KIDINS220: variants seen among roughly 807,000 people sequenced by gnomAD.
KIDINS220 encodes the protein kinase D-interacting substrate of 220 kDa.
In KIDINS220, 63 loss-of-function variants were observed where a neutral mutation model predicts 157.6. The observed-to-expected ratio is 0.40, with a 90% CI of 0.33 to 0.49. The LOEUF is 0.49. Ranked by LOEUF, KIDINS220 falls within the 20% of genes least tolerant of loss-of-function variation. The pLI, the probability that KIDINS220 is intolerant of heterozygous loss-of-function variation, is 0.66. For synonymous variants in KIDINS220, 732 were observed against 783.6 expected, an observed-to-expected ratio of 0.93 and a Z score of 1.10; for missense variants, 1,772 against 2,171.2, an observed-to-expected ratio of 0.82 and a Z score of 3.65.
Position 8,785,601 on chromosome 2 carries a change from G to A in KIDINS220, c.2229+140C>T, listed in dbSNP as rs535850016. 69 of 772,312 alleles carry A rather than the reference G, an allele frequency of 8.9e-5. No homozygotes were observed. The East Asian group carries it at 1.4e-3, about 15-fold the overall frequency. 47.8% of individuals were successfully genotyped at this position (772,312 alleles called of 1,614,324 possible). A position where few individuals can be genotyped will look rare whatever the true frequency, so the allele number is the denominator to read the frequency against. ...CCTTAAATTATAGTCTTGAATGAAC[G>A]AATGAATGAATGAACAAATTAAACT... On this transcript the variant is annotated intron_variant, in intron 17 of 29. Coordinates refer to ENST00000256707, the MANE Select transcript of KIDINS220 (RefSeq NM_020738.4).
At chr2:8,808,998 A>G (rs1258678568) in intron 6 of KIDINS220, among the ~76,000 whole-genome samples, 1 of 137,778 alleles carries the variant, frequency 7.3e-6, no homozygotes, top group African/African-American at 2.7e-5. Context: ...AGATCTATGT[A>G]TCTTTTTTTG....
chr2:8,743,367 G>A (rs753089906), intron 26 of KIDINS220, among the ~76,000 whole-genome samples: 3 of 152,146 alleles, frequency 2.0e-5, no homozygotes, highest in Non-Finnish European at 4.4e-5. Flanking sequence ...TGAGTTCTGC[G>A]TCTTTAAGGC....
chr2:8,819,988 T>A (rs151113534), intron 2 of KIDINS220, among the ~76,000 whole-genome samples: 1 of 152,288 alleles, frequency 6.6e-6, no homozygotes, highest in Non-Finnish European at 1.5e-5. Flanking sequence ...TGTATATTAG[T>A]ATGGAGGGAA....
intron 6 of KIDINS220, among the ~76,000 whole-genome samples, chr2:8,809,938 A>T (rs1676045258): frequency 6.6e-6 from 1 of 152,106 alleles, no homozygotes; most frequent in South Asian, 2.1e-4. Flanking sequence ...CCAAGTATCC[A>T]AGACTCACCC....
At chr2:8,732,133 A>G (rs1053619634) in intron 29 of KIDINS220, 151 bp from the exon 30 acceptor site, 3 of 619,588 alleles carry the variant, frequency 4.8e-6, no homozygotes, top group Non-Finnish European at 7.4e-6. Context: ...ACACAGATTA[A>G]CAAAAGCTGT....
chr2:8,760,578 A>G (rs1300481420), intron 22 of KIDINS220, among the ~76,000 whole-genome samples: 1 of 152,228 alleles, frequency 6.6e-6, no homozygotes, highest in Non-Finnish European at 1.5e-5. Context: ...AAACACCGGT[A>G]ACATTTCTGT....
At chr2:8,834,817 A>ATATG (rs1169741360) in intron 1 of KIDINS220, among the ~76,000 whole-genome samples, 126 of 152,148 alleles carry the variant, frequency 8.3e-4, no homozygotes, top group Non-Finnish European at 8.2e-4. Flanking sequence ...TTATGTATGT[A>ATATG]TATGTATGTA....
rs137979455 is a variant in KIDINS220, at chr2:8,753,288, C to G, written c.3012-1644G>C. On this transcript the variant is annotated intron_variant, in intron 22 of 29. Transcript: ENST00000256707. ...GAATCTCTCAATAAATTAATCCAAC[C>G]AATAAAGAGTGTATAGCAATATGTT... Among the ~76,000 whole-genome samples the G allele has an allele frequency of 1.7e-4, 26 of 152,150 alleles. No homozygotes were observed. The East Asian group carries it at 5.0e-3, about 29-fold the overall frequency.
At chr2:8,767,443 A>T (rs1326786395) in intron 22 of KIDINS220, among the ~76,000 whole-genome samples, 1 of 152,198 alleles carries the variant, frequency 6.6e-6, no homozygotes, top group Non-Finnish European at 1.5e-5. Context: ...TAAAGAGAAA[A>T]ATTATCAGTA....
chr2:8,778,761 C>T (rs1004487509), intron 19 of KIDINS220, 34 bp from the exon 20 acceptor site: 1 of 1,593,754 alleles, frequency 6.3e-7, no homozygotes, highest in Non-Finnish European at 8.6e-7. Flanking sequence ...ATCACTTACA[C>T]CAAAATTCTG....
At chr2:8,778,572 A>G in intron 20 of KIDINS220, 67 bp downstream of exon 20, 2 of 987,382 alleles carry the variant, frequency 2.0e-6, no homozygotes, top group Non-Finnish European at 1.6e-6. Flanking sequence ...TTTAAGTGGC[A>G]TCATCTTTAT....
intron 13 of KIDINS220, among the ~76,000 whole-genome samples, 165 bp from the exon 14 acceptor site, chr2:8,790,224 C>T (rs889439657): frequency 3.3e-5 from 5 of 152,112 alleles, no homozygotes; most frequent in African/African-American, 9.7e-5. Flanking sequence ...TGTTCTCTTG[C>T]CAAAGATGAA....
At chr2:8,832,697 T>C (rs1382248264) in intron 1 of KIDINS220, among the ~76,000 whole-genome samples, 2 of 152,126 alleles carry the variant, frequency 1.3e-5, no homozygotes, top group Non-Finnish European at 2.9e-5. Flanking sequence ...GAAAAAAAAA[T>C]GTTTCATCAC....
chr2:8,788,799 A>C lies in KIDINS220; in HGVS notation c.1635T>G (p.Phe545Leu), dbSNP rs752899537. The C allele has an allele frequency of 1.9e-6, 3 of 1,613,382 alleles. No individual in the cohort carries two copies. Among genetic ancestry groups the C allele is most frequent in the Non-Finnish European group, 2.5e-6 (3 of 1,179,790 alleles). Residue 545 changes from phenylalanine to leucine, a missense_variant, in exon 15 of 30, where the codon TTT becomes TTG. Phe to Leu is a conservative substitution (Grantham distance 22). Around this residue, in one of 3 missense-constraint regions of KIDINS220, gnomAD observed 725 missense variants for 1,017.1 expected, o/e 0.71. Coordinates refer to ENST00000256707, the MANE Select transcript of KIDINS220 (RefSeq NM_020738.4). Reference protein sequence around the residue: ...LLYIFFIVIYFGGRREGESWN... With the variant: ...LLYIFFIVIYLGGRREGESWN... ...AACTCTCTCCTTCTCTTCGTCCACC[A>C]AAGTAAATGACAACTGAAATTCACA...
At chr2:8,828,659 A>G (rs912753474) in intron 1 of KIDINS220, among the ~76,000 whole-genome samples, 1 of 152,256 alleles carries the variant, frequency 6.6e-6, no homozygotes, top group East Asian at 1.9e-4. Context: ...AAGATTTGAT[A>G]TAACACTAAA....
intron 27 of KIDINS220, among the ~76,000 whole-genome samples, chr2:8,735,052 T>C (rs1252086228): frequency 2.6e-5 from 4 of 152,142 alleles, no homozygotes; most frequent in African/African-American, 9.7e-5. Context: ...AAACTGTTAG[T>C]TTTTGTTTTC....
chr2:8,837,053 A>C (rs1459816050), intron 1 of KIDINS220, among the ~76,000 whole-genome samples: 1 of 152,198 alleles, frequency 6.6e-6, no homozygotes, highest in Non-Finnish European at 1.5e-5. Flanking sequence ...GGAGAAAACA[A>C]CACCTCCCGG....
intron 17 of KIDINS220, among the ~76,000 whole-genome samples, chr2:8,781,665 C>T (rs1671743307): frequency 6.6e-6 from 1 of 152,052 alleles, no homozygotes; most frequent in Middle Eastern, 3.2e-3. Context: ...TTCCAAATAA[C>T]ACATGGGTCA....
intron 1 of KIDINS220, among the ~76,000 whole-genome samples, chr2:8,832,466 A>C (rs932054541): frequency 6.6e-6 from 1 of 152,242 alleles, no homozygotes; most frequent in African/African-American, 2.4e-5. Context: ...GCACGTGTGT[A>C]GTATAATTCT....
Sources: gnomAD v4.1 joint callset for allele counts (sites outside exome capture counted in the v4.1 genomes callset) on GRCh38, gnomAD v4.1.1 for gene constraint, gnomAD v4.1.1 regional missense constraint, MANE v1.5 for transcripts, NCBI Gene and HGNC (gene_info 2026-07-23, HGNC 2026-07-21) for gene names.